STRBP: variants seen among roughly 807,000 people sequenced by gnomAD.
STRBP encodes spermatid perinuclear RNA-binding protein.
STRBP carries 13 observed loss-of-function variants against 80.1 expected under a neutral mutation model. The ratio of observed to expected loss-of-function variants is 0.16; its 90% CI spans 0.11 to 0.26. STRBP has a LOEUF of 0.26. STRBP is among the 10% of genes least tolerant of loss of function. The pLI, the probability that STRBP is intolerant of heterozygous loss-of-function variation, is 1.00. For synonymous variants in STRBP, 284 were observed against 291.2 expected (o/e 0.98, Z 0.25); for missense variants, 485 against 815.2 (o/e 0.59, Z 4.93).
rs1475587823 is a variant in STRBP, at chr9:123,267,890, G to A, written c.-302+546C>T. On this transcript the variant is annotated intron_variant, in intron 1 of 18. Transcript: ENST00000348403. ...AATATAGTGCCCCCCCCCACCGGAC[G>A]GAATGTCCTCCATCTCGCACTCGCC... Among the ~76,000 whole-genome samples, 4 of 116,432 alleles carry A rather than the reference G, an allele frequency of 3.4e-5. No homozygotes were observed. In the East Asian group the frequency reaches 7.5e-4, roughly 22 times the overall value. 76.4% of individuals were successfully genotyped at this position (116,432 alleles called of 152,430 possible). A position where few individuals can be genotyped will look rare whatever the true frequency, so the allele number is the denominator to read the frequency against.
intron 1 of STRBP, among the ~76,000 whole-genome samples, chr9:123,238,456 T>C (rs112156528): frequency 2.0e-5 from 3 of 152,176 alleles, no homozygotes; most frequent in African/African-American, 7.2e-5. Flanking sequence ...CTAAGCGCCA[T>C]CCAACTTTCA....
chr9:123,209,112 A>G (rs1207194340), intron 2 of STRBP, among the ~76,000 whole-genome samples: 2 of 152,078 alleles, frequency 1.3e-5, no homozygotes, highest in Non-Finnish European at 2.9e-5. Context: ...CTTCCCACAT[A>G]TATTCTGTTA....
chr9:123,209,815 TA>T (rs1427854112), intron 2 of STRBP, among the ~76,000 whole-genome samples: 1 of 152,216 alleles, frequency 6.6e-6, no homozygotes, highest in African/African-American at 2.4e-5. Context: ...TTTGTCTCGA[TA>T]AATTACACTG....
rs1238401966 is a variant in STRBP at position 123,136,574 on chromosome 9, C to T, written c.1498-59G>A. On this transcript the variant is annotated intron_variant, in intron 14 of 18. Coordinates refer to ENST00000348403, the MANE Select transcript of STRBP (RefSeq NM_018387.5). This position sits in a 1 kb window ranked among gnomAD's most constrained non-coding sequence, Gnocchi z 4.2. ...AGTAAGATTTTAGAATATTACATTT[C>T]TTATTAATACAATTATGCTAAGAAG... is the stretch of plus-strand genomic sequence containing the variant. 2 of 1,572,848 alleles carry T rather than the reference C, an allele frequency of 1.3e-6. No individual in the cohort carries two copies. The highest frequency in any genetic ancestry group is 8.6e-7 in the Non-Finnish European group (1 of 1,160,674).
chr9:123,252,602 A>T (rs991429564), intron 1 of STRBP, among the ~76,000 whole-genome samples: 2 of 152,248 alleles, frequency 1.3e-5, no homozygotes, highest in African/African-American at 4.8e-5. Context: ...GGAAGTACCT[A>T]GTATTTAGAT....
chr9:123,246,960 T>C (rs977980145), intron 1 of STRBP, among the ~76,000 whole-genome samples: 11 of 152,128 alleles, frequency 7.2e-5, no homozygotes, highest in African/African-American at 2.2e-4. Flanking sequence ...TAGTAAAATA[T>C]CACCTTGAAC....
At chr9:123,178,009 C>G (rs550892115) in intron 4 of STRBP, among the ~76,000 whole-genome samples, 3 of 152,234 alleles carry the variant, frequency 2.0e-5, no homozygotes, top group Admixed American at 1.3e-4. Flanking sequence ...TTCCAAGAAC[C>G]TTCAGTGACA....
intron 2 of STRBP, among the ~76,000 whole-genome samples, chr9:123,235,001 G>A (rs535755989): frequency 1.3e-5 from 2 of 148,768 alleles, no homozygotes; most frequent in African/African-American, 2.5e-5. Context: ...TTTTTTGGGG[G>A]GGGGGGGTAC....
chr9:123,136,719 T>C lies in STRBP; in HGVS notation c.1498-204A>G, dbSNP rs1018735520. Among the ~76,000 whole-genome samples, 4 of 152,256 alleles carry C rather than the reference T, an allele frequency of 2.6e-5. No individual in the cohort carries two copies. Among genetic ancestry groups the C allele is most frequent in the African/African-American group, 9.6e-5 (4 of 41,468 alleles). On this transcript the variant is annotated intron_variant, in intron 14 of 18. Transcript: ENST00000348403. The surrounding 1 kb of genome is among the most constrained non-coding windows in gnomAD (Gnocchi z 4.2). Reference sequence around the variant, plus strand: ...ACAAGCAGTAAACATTGCAGTCATCTGGCCAGCCTTCCTTCGAAGCAGTAT... The same window carrying C: ...ACAAGCAGTAAACATTGCAGTCATCCGGCCAGCCTTCCTTCGAAGCAGTAT...
intron 7 of STRBP, 123 bp downstream of exon 7, chr9:123,160,854 C>G: frequency 1.4e-6 from 1 of 716,128 alleles, no homozygotes; most frequent in Non-Finnish European, 2.3e-6. Flanking sequence ...CTCCAACAAC[C>G]ACACTATGAG....
intron 6 of STRBP, among the ~76,000 whole-genome samples, chr9:123,162,928 A>G (rs1199928028): frequency 6.6e-6 from 1 of 152,274 alleles, no homozygotes; most frequent in Non-Finnish European, 1.5e-5. Context: ...CAATACAAGC[A>G]TCTGTGTAAA....
chr9:123,201,406 T>C (rs2039321438), intron 2 of STRBP, among the ~76,000 whole-genome samples: 1 of 152,216 alleles, frequency 6.6e-6, no homozygotes, highest in Non-Finnish European at 1.5e-5. Flanking sequence ...ATAACTTGTC[T>C]CATTATTATC....
rs539016659 is a variant in STRBP at position 123,218,605 on chromosome 9, A to G, written c.-165+18225T>C. On this transcript the variant is annotated intron_variant, in intron 2 of 18. Coordinates refer to ENST00000348403, the MANE Select transcript of STRBP (RefSeq NM_018387.5). ...AGGATGGTCTCGATCTCCTGACCTC[A>G]TGATCCACCCGCCTCGGCCTCCCAA... 2.6e-3 allele frequency among the ~76,000 whole-genome samples: 395 copies of G among 150,994 alleles called. 1 individual carries two copies. The highest frequency in any genetic ancestry group is 9.1e-3 in the African/African-American group (375 of 41,114).
In STRBP at chr9:123,121,652, A is replaced by G. The variant is rs1190823391; in HGVS notation, c.*3945T>C. 1 of 125,562 alleles carries G rather than the reference A, an allele frequency of 8.0e-6. No individual in the cohort carries two copies. The highest frequency in any genetic ancestry group is 3.1e-5 in the African/African-American group (1 of 32,774). 7.8% of individuals were successfully genotyped at this position (125,562 alleles called of 1,614,324 possible). Reference sequence around the variant, plus strand: ...TTTTCATTTTCTATTGCTTTTTTCTATGGCTTCTTGCTGTTGTTGTATTAG... The same window carrying G: ...TTTTCATTTTCTATTGCTTTTTTCTGTGGCTTCTTGCTGTTGTTGTATTAG... On this transcript the variant is annotated 3_prime_UTR_variant, in exon 19 of 19. Coordinates refer to ENST00000348403, the MANE Select transcript of STRBP (RefSeq NM_018387.5).
chr9:123,197,549 T>C (rs947993990), intron 2 of STRBP, among the ~76,000 whole-genome samples: 3 of 152,122 alleles, frequency 2.0e-5, no homozygotes, highest in Non-Finnish European at 2.9e-5. Context: ...TCACTCCGTA[T>C]GCCTTTGGGT....
chr9:123,148,446 C>G (rs1354731157), intron 11 of STRBP, among the ~76,000 whole-genome samples: 1 of 152,142 alleles, frequency 6.6e-6, no homozygotes, highest in East Asian at 1.9e-4. Flanking sequence ...GTTTTAGCAG[C>G]CGCACAGACA....
intron 11 of STRBP, among the ~76,000 whole-genome samples, chr9:123,148,948 C>T (rs1226478841): frequency 2.6e-5 from 4 of 152,068 alleles, no homozygotes; most frequent in African/African-American, 9.7e-5. Flanking sequence ...ATAAAGAAGC[C>T]ACCAATTTAT....
At chr9:123,117,918 A>T (rs1400851534), downstream of STRBP, among the ~76,000 whole-genome samples, 1 of 152,266 alleles carries the variant, frequency 6.6e-6, no homozygotes, top group Non-Finnish European at 1.5e-5. Context: ...GATGCAATGC[A>T]GCCCTTCAGT....
intron 6 of STRBP, among the ~76,000 whole-genome samples, chr9:123,168,498 C>T (rs1016479630): frequency 1.3e-5 from 2 of 152,150 alleles, no homozygotes; most frequent in Non-Finnish European, 2.9e-5. Flanking sequence ...TTAAGTGATT[C>T]TATGAGTCAT....
Sources: gnomAD v4.1 joint callset for allele counts (sites outside exome capture counted in the v4.1 genomes callset) on GRCh38, gnomAD v4.1.1 for gene constraint, Gnocchi (gnomAD v3.1) non-coding constraint, MANE v1.5 for transcripts, NCBI Gene and HGNC (gene_info 2026-07-23, HGNC 2026-07-21) for gene names.